Variants in DENND5B observed in about 807,000 individuals in gnomAD.
DENND5B encodes the protein DENN domain containing 5B, also known as DENN domain-containing protein 5B.
A neutral mutation model predicts 140.6 loss-of-function variants in DENND5B; 34 were observed. The ratio of observed to expected loss-of-function variants is 0.24; its 90% CI spans 0.18 to 0.32. The LOEUF (loss-of-function observed/expected upper bound fraction) is 0.32, where lower values mean the gene tolerates loss of function less well. Among genes scored for constraint, DENND5B ranks in the 10% least tolerant of loss-of-function variants. The pLI is 1.00. For synonymous variants in DENND5B, 551 were observed against 562.1 expected (o/e 0.98, Z 0.28); for missense variants, 1,142 against 1,560.2 (o/e 0.73, Z 4.52).
intron 1 of DENND5B, among the ~76,000 whole-genome samples, chr12:31,538,537 G>C (rs1160137145): frequency 6.6e-6 from 1 of 152,058 alleles, no homozygotes; most frequent in East Asian, 1.9e-4. Context: ...AACTAGAAAA[G>C]CAAGAGCAAA....
At chr12:31,515,998 T>C (rs1012988213) in intron 1 of DENND5B, among the ~76,000 whole-genome samples, 10 of 152,222 alleles carry the variant, frequency 6.6e-5, no homozygotes, top group African/African-American at 2.4e-4. Flanking sequence ...CATTAAAAGC[T>C]ACTCTTTCCG....
intron 11 of DENND5B, among the ~76,000 whole-genome samples, chr12:31,419,655 G>C (rs1942927318): frequency 6.6e-6 from 1 of 152,044 alleles, no homozygotes; most frequent in Non-Finnish European, 1.5e-5. Context: ...AAATTCCTGG[G>C]TTAGATCCAG....
chr12:31,500,079 T>C (rs1946943235), intron 1 of DENND5B, among the ~76,000 whole-genome samples: 1 of 152,218 alleles, frequency 6.6e-6, no homozygotes, highest in African/African-American at 2.4e-5. Context: ...TTTCAGATTT[T>C]GAAATATTTG....
intron 14 of DENND5B, among the ~76,000 whole-genome samples, chr12:31,403,410 T>C (rs890054740): frequency 6.7e-5 from 10 of 150,132 alleles, no homozygotes; most frequent in African/African-American, 2.4e-4. Context: ...TTTGCCAACA[T>C]GGCAAAACCC....
rs2137419290 is a variant in DENND5B at position 31,402,535 on chromosome 12, A to G, written c.2912T>C (p.Met971Thr). Reference protein sequence around the residue: ...VSGELGDTGVMQIPKNLLEMT... With the variant: ...VSGELGDTGVTQIPKNLLEMT... ...TTCGAGGAGGTTTTTGGGAATCTGC[A>G]TTACTCCTGTGTCTCCCAGCTCTCC... Residue 971 changes from methionine (M) to threonine (T), a missense_variant, in exon 15 of 21, where the codon ATG (methionine) becomes ACG (threonine). Transcript: ENST00000389082. The G allele has an allele frequency of 1.2e-6, 2 of 1,613,766 alleles. No individual in the cohort carries two copies. The highest frequency in any genetic ancestry group is 1.1e-5 in the South Asian group (1 of 91,026).
chr12:31,511,863 C>T (rs917608724), intron 1 of DENND5B, among the ~76,000 whole-genome samples: 2 of 149,796 alleles, frequency 1.3e-5, no homozygotes, highest in Admixed American at 6.7e-5. Flanking sequence ...ATTTCAAAGC[C>T]TTGACTATAT....
At chr12:31,430,163 C>T (rs543018864) in intron 8 of DENND5B, among the ~76,000 whole-genome samples, 30 of 150,230 alleles carry the variant, frequency 2.0e-4, no homozygotes, top group Admixed American at 1.5e-3. Flanking sequence ...GCTGGGATTA[C>T]AGGCACATGC....
At chr12:31,483,353 T>C (rs184361178) in intron 2 of DENND5B, among the ~76,000 whole-genome samples, 2 of 152,320 alleles carry the variant, frequency 1.3e-5, no homozygotes, top group Non-Finnish European at 2.9e-5. Flanking sequence ...ATTAGGTGAG[T>C]GCAAAAGTAA....
intron 1 of DENND5B, among the ~76,000 whole-genome samples, chr12:31,516,475 C>T (rs1455277355): frequency 7.7e-6 from 1 of 130,162 alleles, no homozygotes; most frequent in African/African-American, 3.2e-5. Flanking sequence ...GAGACCCTGT[C>T]TCAAAAAAAA....
In DENND5B at chr12:31,383,337, T is replaced by C. The variant is rs1940710041; in HGVS notation, c.*4266A>G. On this transcript the variant is annotated 3_prime_UTR_variant, in exon 21 of 21. Coordinates refer to ENST00000389082, the MANE Select transcript of DENND5B (RefSeq NM_144973.4). ...AAAATACCTTAGGGATGTCAACATA[T>C]ACTACACATAAGCTGTTGTATAGTC... 1 of 152,210 alleles carries C rather than the reference T, an allele frequency of 6.6e-6. No homozygotes were observed. Among genetic ancestry groups the C allele is most frequent in the African/African-American group, 2.4e-5 (1 of 41,454 alleles). The allele number at this position is 152,210 out of a possible 1,614,324, so 9.4% of individuals were successfully genotyped here.
At chr12:31,552,621 T>C (rs1394855948) in intron 1 of DENND5B, among the ~76,000 whole-genome samples, 1 of 152,214 alleles carries the variant, frequency 6.6e-6, no homozygotes, top group Non-Finnish European at 1.5e-5. Flanking sequence ...CTGATTGGAA[T>C]AGTTTCAGAA....
At chr12:31,514,052 C>T (rs1002819370) in intron 1 of DENND5B, among the ~76,000 whole-genome samples, 45 of 151,948 alleles carry the variant, frequency 3.0e-4, no homozygotes, top group African/African-American at 9.7e-4. Flanking sequence ...CACTATGTTG[C>T]CCAAGCTGGT....
intron 1 of DENND5B, among the ~76,000 whole-genome samples, chr12:31,519,691 G>C (rs926217799): frequency 6.6e-6 from 1 of 152,174 alleles, no homozygotes; most frequent in African/African-American, 2.4e-5. Flanking sequence ...TGAACATATG[G>C]TTGCTTTCTG....
At chr12:31,460,060 C>CGAG in intron 4 of DENND5B, 134 bp downstream of exon 4, 1 of 841,408 alleles carries the variant, frequency 1.2e-6, no homozygotes, top group Non-Finnish European at 1.8e-6. Context: ...TCAGGCTCTC[C>CGAG]CCTAGCCATA....
At chr12:31,496,003 TG>T in intron 1 of DENND5B, 84 bp from the exon 2 acceptor site, 1 of 900,166 alleles carries the variant, frequency 1.1e-6, no homozygotes, top group Non-Finnish European at 1.6e-6. Context: ...GTCCTACTAC[TG>T]ACTGATAATG....
chr12:31,452,127 T>A lies in DENND5B; in HGVS notation c.1442A>T (p.Asp481Val). 1 of 1,614,044 alleles carries A rather than the reference T, an allele frequency of 6.2e-7. No homozygotes were observed. The stretch of plus-strand genomic sequence containing the variant: ...TTCACAATGCAGTTTTAAATCCTTG[T>A]CTTTTTCACCCAGAGAAGCAGAGAG... ...MDLSASLGEK[D>V]KDLKLHCEEA... The change falls in exon 5 of 21, where the codon GAC becomes GTC. Residue 481 changes from aspartate (D) to valine (V), a missense_variant. Transcript: ENST00000389082.
intron 1 of DENND5B, among the ~76,000 whole-genome samples, chr12:31,502,281 C>T (rs777657233): frequency 5.9e-5 from 9 of 152,138 alleles, no homozygotes; most frequent in Non-Finnish European, 7.3e-5. Flanking sequence ...CGCCACTGCA[C>T]TCCAGCCTGG....
At chr12:31,520,326 A>G (rs191840380) in intron 1 of DENND5B, among the ~76,000 whole-genome samples, 3 of 152,350 alleles carry the variant, frequency 2.0e-5, no homozygotes, top group Admixed American at 6.5e-5. Flanking sequence ...AAATATGGGA[A>G]GACAATTTTG....
At chr12:31,497,093 G>A (rs1260974461) in intron 1 of DENND5B, among the ~76,000 whole-genome samples, 4 of 151,392 alleles carry the variant, frequency 2.6e-5, no homozygotes, top group Non-Finnish European at 4.4e-5. Flanking sequence ...TTTCTATTTT[G>A]GGTAAAAATA....
Sources: allele counts gnomAD v4.1 joint callset (sites outside exome capture counted in the v4.1 genomes callset), GRCh38; gene constraint gnomAD v4.1.1; transcripts MANE v1.5; gene names NCBI Gene and HGNC (gene_info 2026-07-23, HGNC 2026-07-21).